Variants in LY6S observed in about 807,000 individuals in gnomAD.
The protein encoded by LY6S is lymphocyte antigen 6S.
chr8:143,071,038 A>G, the LY6S span, among the ~76,000 whole-genome samples: 1 of 135,638 alleles, frequency 7.4e-6, no homozygotes, highest in African/African-American at 2.9e-5. Context: ...ACTTGTTTTT[A>G]CATGTGATGG....
At chr8:143,049,218 G>A in the LY6S span, 20 of 534,582 alleles carry the variant, frequency 3.7e-5, no homozygotes, top group African/African-American at 1.7e-4. Flanking sequence ...GGATTCTCTC[G>A]GCACCACGGG....
At chr8:143,069,549 T>C in the LY6S span, among the ~76,000 whole-genome samples, 1 of 152,222 alleles carries the variant, frequency 6.6e-6, no homozygotes, top group South Asian at 2.1e-4. Context: ...AGCCCGGCCA[T>C]AGTTGCGATG....
chr8:143,053,861 C>T, the LY6S span: 5 of 152,112 alleles, frequency 3.3e-5, no homozygotes, highest in Admixed American at 6.5e-5. Context: ...AATCAATCTC[C>T]CGCTCTATCC....
At chr8:143,055,043 C>G in the LY6S span, among the ~76,000 whole-genome samples, 2 of 152,146 alleles carry the variant, frequency 1.3e-5, no homozygotes, top group Non-Finnish European at 2.9e-5. Flanking sequence ...GGTCGTAGAA[C>G]GAATTAAAAA....
the LY6S span, chr8:143,057,685 C>G: frequency 1.2e-6 from 1 of 847,262 alleles, no homozygotes; most frequent in East Asian, 2.4e-5. Context: ...CGGGATGAAT[C>G]CAGCAAGCAG....
At chr8:143,062,833 A>C in the LY6S span, among the ~76,000 whole-genome samples, 1 of 152,176 alleles carries the variant, frequency 6.6e-6, no homozygotes, top group Non-Finnish European at 1.5e-5. Context: ...GATGATGATG[A>C]TGTCAAAATT....
At chr8:143,063,856 G>A in the LY6S span, among the ~76,000 whole-genome samples, 1 of 152,200 alleles carries the variant, frequency 6.6e-6, no homozygotes, top group Non-Finnish European at 1.5e-5. Context: ...GAGGCTCATG[G>A]ATCATGATGC....
the LY6S span, among the ~76,000 whole-genome samples, chr8:143,070,392 TATATATA>T: frequency 7.5e-6 from 1 of 133,198 alleles, no homozygotes; most frequent in African/African-American, 3.0e-5. Flanking sequence ...TATATATATT[TATATATA>T]TTTTTTATTT....
the LY6S span, among the ~76,000 whole-genome samples, chr8:143,069,134 T>G: frequency 6.6e-6 from 1 of 152,064 alleles, no homozygotes. Flanking sequence ...CTCAAGGCTC[T>G]CTCTCATCTC....
chr8:143,048,131 C>T, the LY6S span: 3 of 152,346 alleles, frequency 2.0e-5, no homozygotes, highest in Admixed American at 6.5e-5. Flanking sequence ...TTCCCCGCAG[C>T]GGGTACCGTG....
At chr8:143,044,776 C>CATCT in the LY6S span, 2 of 1,367,356 alleles carry the variant, frequency 1.5e-6, no homozygotes, top group Admixed American at 1.9e-5. Flanking sequence ...GACCGCCAAG[C>CATCT]ATCTGTAGCA....
chr8:143,058,574 C>T, the LY6S span, among the ~76,000 whole-genome samples: 13 of 152,292 alleles, frequency 8.5e-5, no homozygotes, highest in South Asian at 2.1e-4. Context: ...GGACTAGGAG[C>T]GTGACCACTG....
the LY6S span, among the ~76,000 whole-genome samples, chr8:143,060,273 G>C: frequency 1.3e-5 from 2 of 152,208 alleles, no homozygotes; most frequent in Non-Finnish European, 2.9e-5. Context: ...CTCTGCTCCA[G>C]CACCTCTTGT....
At chr8:143,059,398 C>T in the LY6S span, among the ~76,000 whole-genome samples, 21 of 151,514 alleles carry the variant, frequency 1.4e-4, no homozygotes, top group South Asian at 2.1e-4. Flanking sequence ...GATTTACTGA[C>T]GGTTTTTTTT....
At chr8:143,046,128 C>A in the LY6S span, among the ~76,000 whole-genome samples, 2 of 152,124 alleles carry the variant, frequency 1.3e-5, no homozygotes, top group African/African-American at 4.8e-5. Context: ...GCTACGATTA[C>A]AAGTGTCAGC....
the LY6S span, among the ~76,000 whole-genome samples, chr8:143,041,749 A>G: frequency 6.6e-6 from 1 of 152,102 alleles, no homozygotes; most frequent in Non-Finnish European, 1.5e-5. Flanking sequence ...TGTCCATGAA[A>G]TCTTCACAAT....
the LY6S span, among the ~76,000 whole-genome samples, chr8:143,068,404 T>C: frequency 6.6e-6 from 1 of 152,174 alleles, no homozygotes; most frequent in African/African-American, 2.4e-5. Context: ...TCTTATGTCT[T>C]CCTTTTCTAT....
chr8:143,060,401 C>A, the LY6S span, among the ~76,000 whole-genome samples: 1 of 152,244 alleles, frequency 6.6e-6, no homozygotes, highest in African/African-American at 2.4e-5. Context: ...GCCCTGTACA[C>A]CTGGCTCCGC....
the LY6S span, among the ~76,000 whole-genome samples, chr8:143,073,301 G>A: frequency 7.3e-6 from 1 of 136,724 alleles, no homozygotes; most frequent in African/African-American, 3.0e-5. Context: ...CGTCCCCGGG[G>A]CTCCTGTTCG....
Sources: gnomAD v4.1 joint callset for allele counts (sites outside exome capture counted in the v4.1 genomes callset) on GRCh38, gnomAD v4.1.1 for gene constraint, MANE v1.5 for transcripts, NCBI Gene and HGNC (gene_info 2026-07-23, HGNC 2026-07-21) for gene names.